CA5B: variants seen among roughly 807,000 people sequenced by gnomAD.
CA5B encodes the protein carbonic anhydrase 5B, mitochondrial.
CA5B carries 15 observed loss-of-function variants against 23.1 expected under a neutral mutation model. The ratio of observed to expected loss-of-function variants is 0.65; its 90% CI spans 0.43 to 1.00. The LOEUF is 1.00. Ranked by LOEUF, CA5B falls within the 50% of genes least tolerant of loss-of-function variation. The pLI is 0.00. For synonymous variants in CA5B, 84 were observed against 98.5 expected (o/e 0.85, Z 0.87); for missense variants, 236 against 252.2 (o/e 0.94, Z 0.43).
chrX:15,768,065 AT>A (rs1179165370), intron 3 of CA5B, among the ~76,000 whole-genome samples: 2 of 102,971 alleles, frequency 1.9e-5, no homozygotes, highest in African/African-American at 7.2e-5. Context: ...CACCTGGCTA[AT>A]TTTTGTATTT....
At chrX:15,766,475 T>C (rs1931712125) in intron 3 of CA5B, among the ~76,000 whole-genome samples, 1 of 112,241 alleles carries the variant, frequency 8.9e-6, no homozygotes, top group African/African-American at 3.2e-5. Flanking sequence ...CTTACTTTCA[T>C]ATCTCAAAGT....
chrX:15,754,349 G>A (rs191755526), intron 2 of CA5B, among the ~76,000 whole-genome samples: 2 of 112,936 alleles, frequency 1.8e-5, no homozygotes, highest in East Asian at 2.8e-4. Flanking sequence ...GCCTGCCTCA[G>A]ATGTTTAAAT....
At chrX:15,746,697 C>T (rs936593029) in intron 1 of CA5B, among the ~76,000 whole-genome samples, 1 of 111,050 alleles carries the variant, frequency 9.0e-6, no homozygotes, top group Non-Finnish European at 1.9e-5. Context: ...GATAATTTCG[C>T]GGGTAAGGGC....
chrX:15,758,220 G>A (rs1049069683), intron 2 of CA5B, among the ~76,000 whole-genome samples: 6 of 112,150 alleles, frequency 5.3e-5, no homozygotes, highest in Non-Finnish European at 9.4e-5. Flanking sequence ...ACAGAAATTT[G>A]TTGCTCACAG....
At position 15,782,783 on chromosome X, in the gene CA5B, T is replaced by C. The variant is rs1172408627; in HGVS notation, c.*119T>C. ...ATAATATTTACAGATGTGCATTTCT[T>C]AGCATGAGAGTGCTTCATCAGTCTT... On this transcript the variant is annotated 3_prime_UTR_variant, in exon 8 of 8. Transcript: ENST00000318636. 3.6e-6 allele frequency: 2 copies of C among 554,373 alleles called. No individual in the cohort carries two copies. The highest frequency in any genetic ancestry group is 7.7e-5 in the East Asian group (2 of 26,123). The allele number at this position is 554,373 out of a possible 1,213,427, so 45.7% of individuals were successfully genotyped here.
At position 15,786,220 on chromosome X, in the gene CA5B, A is replaced by C. The variant is rs955675404; in HGVS notation, c.*3556A>C. The stretch of plus-strand genomic sequence containing the variant: ...AAAACCCTACTGCAGTGAGTTTTCC[A>C]AACTGAAGGGAGAAGCAATGTACAG... On this transcript the variant is annotated 3_prime_UTR_variant, in exon 8 of 8. Coordinates refer to ENST00000318636, the MANE Select transcript of CA5B (RefSeq NM_007220.4). 9.1e-6 allele frequency: 1 copy of C among 109,429 alleles called. No homozygotes were observed. Among genetic ancestry groups the C allele is most frequent in the Admixed American group, 9.8e-5 (1 of 10,241 alleles). 9.0% of individuals were successfully genotyped at this position (109,429 alleles called of 1,213,427 possible).
chrX:15,770,975 A>T (rs201999074), intron 3 of CA5B, among the ~76,000 whole-genome samples: 1 of 106,841 alleles, frequency 9.4e-6, no homozygotes, highest in Non-Finnish European at 1.9e-5. Context: ...TCACCATGTT[A>T]GCCAGGATGG....
At chrX:15,742,393 G>A (rs1307586326) in intron 1 of CA5B, among the ~76,000 whole-genome samples, 1 of 112,053 alleles carries the variant, frequency 8.9e-6, no homozygotes, top group Non-Finnish European at 1.9e-5. Flanking sequence ...TTGAGACGGA[G>A]TCTCGCTCTG....
chrX:15,768,089 G>T (rs1420370867), intron 3 of CA5B, among the ~76,000 whole-genome samples: 1 of 108,926 alleles, frequency 9.2e-6, no homozygotes, highest in East Asian at 2.9e-4. Context: ...GTAGAGACGG[G>T]TTTCACCATG....
chrX:15,785,864 A>AT lies in CA5B; in HGVS notation c.*3209dup, dbSNP rs748757429. ...TTTCCTCCTAGCTGTCTTGTTTTTT[A>AT]TTTTTTTTTATTTTTTTTATTTTTT... On this transcript the variant is annotated 3_prime_UTR_variant, in exon 8 of 8. Coordinates refer to ENST00000318636, the MANE Select transcript of CA5B (RefSeq NM_007220.4). 37,437 of 84,126 alleles carry AT rather than the reference A, an allele frequency of 0.45. 5,839 individuals carry two copies. Among genetic ancestry groups the AT allele is most frequent in the Non-Finnish European group, 0.59 (24,806 of 41,896 alleles). 6.9% of individuals were successfully genotyped at this position (84,126 alleles called of 1,213,427 possible). A position where few individuals can be genotyped will look rare whatever the true frequency, so the allele number is the denominator to read the frequency against.
intron 3 of CA5B, among the ~76,000 whole-genome samples, chrX:15,765,571 T>C (rs965970535): frequency 1.7e-4 from 19 of 110,853 alleles, no homozygotes; most frequent in African/African-American, 5.9e-4. Flanking sequence ...TTATTTGGAA[T>C]AGTTTAAAGT....
At chrX:15,756,747 CA>C (rs1181193456) in intron 2 of CA5B, among the ~76,000 whole-genome samples, 1 of 110,968 alleles carries the variant, frequency 9.0e-6, no homozygotes, top group Non-Finnish European at 1.9e-5. Flanking sequence ...CCTATCTCTA[CA>C]AAAAATTTTA....
chrX:15,738,380 G>A (rs1243707058), intron 1 of CA5B, 28 bp downstream of exon 1: 1 of 111,482 alleles, frequency 9.0e-6, no homozygotes, highest in Non-Finnish European at 1.9e-5. Flanking sequence ...AGAGGAGTGG[G>A]GGGCGACCAG....
intron 1 of CA5B, among the ~76,000 whole-genome samples, chrX:15,741,521 C>T (rs1299888769): frequency 1.8e-5 from 2 of 109,640 alleles, no homozygotes; most frequent in African/African-American, 3.3e-5. Flanking sequence ...GCTGTGTCGC[C>T]CAGGCTGGAG....
intron 2 of CA5B, among the ~76,000 whole-genome samples, chrX:15,750,941 C>G (rs1160497463): frequency 9.0e-6 from 1 of 111,688 alleles, no homozygotes; most frequent in Non-Finnish European, 1.9e-5. Context: ...CTGGCCTCTG[C>G]CTACTAGTTG....
In CA5B at chrX:15,752,445, G is replaced by A. The variant is rs767663082; in HGVS notation, c.142+2280G>A. The stretch of plus-strand genomic sequence containing the variant: ...ATTTGTATCTGTAAAGAATCTCTGG[G>A]CCAGGCGCGATGGCTTACGCCTGTA... On this transcript the variant is annotated intron_variant, in intron 2 of 7. Coordinates refer to ENST00000318636, the MANE Select transcript of CA5B (RefSeq NM_007220.4). Among the ~76,000 whole-genome samples the A allele has an allele frequency of 2.7e-5, 3 of 112,194 alleles. No individual in the cohort carries two copies. In the South Asian group the frequency reaches 1.1e-3, roughly 41 times the overall value.
Position 15,784,967 on chromosome X carries a change from G to C in CA5B, c.*2303G>C, listed in dbSNP as rs1234226612. ...ATATGCTCAACATTGCCAATTATTA[G>C]GGAAATGCAAATCAAAACCACAATG... On this transcript the variant is annotated 3_prime_UTR_variant, in exon 8 of 8. Coordinates refer to ENST00000318636, the MANE Select transcript of CA5B (RefSeq NM_007220.4). 8.9e-6 allele frequency: 1 copy of C among 112,152 alleles called. No homozygotes were observed. Among genetic ancestry groups the C allele is most frequent in the Non-Finnish European group, 1.9e-5 (1 of 53,245 alleles). 9.2% of individuals were successfully genotyped at this position (112,152 alleles called of 1,213,427 possible). A position where few individuals can be genotyped will look rare whatever the true frequency, so the allele number is the denominator to read the frequency against.
chrX:15,774,028 G>C (rs1427840555), intron 4 of CA5B, among the ~76,000 whole-genome samples: 1 of 112,356 alleles, frequency 8.9e-6, no homozygotes, highest in Non-Finnish European at 1.9e-5. Flanking sequence ...GACAAATGTT[G>C]ATTGCTCACT....
rs138363271 is a variant in CA5B, at chrX:15,775,807, C to T, written c.618+499C>T. 4,041 of 738,531 alleles carry T rather than the reference C, an allele frequency of 5.5e-3. 121 individuals carry two copies. The African/African-American group carries it at 0.085, about 15-fold the overall frequency. 60.9% of individuals were successfully genotyped at this position (738,531 alleles called of 1,213,427 possible). A position where few individuals can be genotyped will look rare whatever the true frequency, so the allele number is the denominator to read the frequency against. ...AGGCCCATATATTCTCTTCTTCTCC[C>T]TCTCATCCCCCACTGTATCCCTCTG... On this transcript the variant is annotated intron_variant, in intron 6 of 7. Coordinates refer to ENST00000318636, the MANE Select transcript of CA5B (RefSeq NM_007220.4).
Sources: allele counts gnomAD v4.1 joint callset (sites outside exome capture counted in the v4.1 genomes callset), GRCh38; gene constraint gnomAD v4.1.1; transcripts MANE v1.5; gene names NCBI Gene and HGNC (gene_info 2026-07-23, HGNC 2026-07-21).